HDAC9: variants seen among roughly 807,000 people sequenced by gnomAD.
HDAC9 encodes the protein MEF-2 interacting transcription repressor (MITR) protein.
In HDAC9, 41 loss-of-function variants were observed where a neutral mutation model predicts 139.4. The ratio of observed to expected loss-of-function variants is 0.29; its 90% confidence interval spans 0.23 to 0.38. The LOEUF (loss-of-function observed/expected upper bound fraction) is 0.38. HDAC9 is among the 10% of genes least tolerant of loss of function. The pLI is 1.00. For missense variants in HDAC9, 1,147 were observed against 1,297.0 expected, an observed-to-expected ratio of 0.88 and a Z score of 1.78; for synonymous variants, 517 against 476.2, an observed-to-expected ratio of 1.09 and a Z score of -1.12.
At chr7:18,451,628 T>C (rs776330123) in intron 1 of HDAC9, among the ~76,000 whole-genome samples, 1 of 151,828 alleles carries the variant, frequency 6.6e-6, no homozygotes. Context: ...TTTATGTGGA[T>C]ATAGAGGTAT....
intron 2 of HDAC9, among the ~76,000 whole-genome samples, chr7:18,172,396 A>G (rs1248442452): frequency 1.3e-5 from 2 of 151,994 alleles, no homozygotes. Flanking sequence ...TTTTCAAAAA[A>G]CCAGCTCCTG....
chr7:18,582,752 G>A (rs1040400280), intron 2 of HDAC9, among the ~76,000 whole-genome samples: 6 of 152,044 alleles, frequency 3.9e-5, no homozygotes, highest in African/African-American at 1.4e-4. Context: ...ATTGTCTCCT[G>A]GAGATATAAT....
intron 1 of HDAC9, among the ~76,000 whole-genome samples, chr7:18,335,280 C>T (rs1781501518): frequency 6.6e-6 from 1 of 151,452 alleles, no homozygotes; most frequent in Non-Finnish European, 1.5e-5. Flanking sequence ...AAAATTAAAA[C>T]AATTTAGCAA....
chr7:18,199,796 G>A (rs2128158664), intron 2 of HDAC9, among the ~76,000 whole-genome samples: 1 of 147,046 alleles, frequency 6.8e-6, no homozygotes, highest in South Asian at 2.2e-4. Flanking sequence ...GCTTAGTGTT[G>A]CACATCTGTA....
At chr7:18,640,640 A>G (rs1352959056) in intron 8 of HDAC9, among the ~76,000 whole-genome samples, 1 of 151,764 alleles carries the variant, frequency 6.6e-6, no homozygotes, top group South Asian at 2.1e-4. Context: ...TTTACATCAT[A>G]TATATTTTTT....
intron 24 of HDAC9, among the ~76,000 whole-genome samples, chr7:18,957,912 C>G (rs1783269909): frequency 6.6e-6 from 1 of 152,124 alleles, no homozygotes; most frequent in Non-Finnish European, 1.5e-5. Context: ...TCTTGAGAAG[C>G]AGGCTTGTAG....
At chr7:18,636,378 T>C (rs1029600747) in intron 8 of HDAC9, among the ~76,000 whole-genome samples, 1 of 152,036 alleles carries the variant, frequency 6.6e-6, no homozygotes, top group Non-Finnish European at 1.5e-5. Flanking sequence ...CTAGTCCTTG[T>C]GTAGATCTGT....
Position 18,648,450 on chromosome 7 carries a change from G to A in HDAC9, c.1250-16G>A, listed in dbSNP as rs376789666. The A allele has an allele frequency of 7.5e-5, 117 of 1,564,796 alleles. No homozygotes were observed. Among genetic ancestry groups the A allele is most frequent in the South Asian group, 2.4e-4 (22 of 90,034 alleles). On this transcript the variant is annotated splice_polypyrimidine_tract_variant and intron_variant, in intron 10 of 25. Coordinates refer to ENST00000686413, the MANE Select transcript of HDAC9 (RefSeq NM_178425.4). ...TGTGTGTGTATACACACATATACAT[G>A]TATTTTTTTTTTCAGGTGGAGTTCC...
chr7:18,311,985 T>C (rs1001854389), intron 1 of HDAC9, among the ~76,000 whole-genome samples: 2 of 152,140 alleles, frequency 1.3e-5, no homozygotes, highest in Non-Finnish European at 2.9e-5. Flanking sequence ...TTTTAAACAA[T>C]CTAAAGAACA....
intron 12 of HDAC9, among the ~76,000 whole-genome samples, chr7:18,707,814 T>C (rs1414224539): frequency 6.6e-6 from 1 of 151,796 alleles, no homozygotes; most frequent in Non-Finnish European, 1.5e-5. Context: ...ACAGAGAAAG[T>C]TTTGGCAGTA....
intron 1 of HDAC9, among the ~76,000 whole-genome samples, chr7:18,331,626 A>T (rs1554376433): frequency 1.5e-5 from 1 of 67,260 alleles, no homozygotes; most frequent in South Asian, 5.4e-4. Flanking sequence ...AAAGTATAAT[A>T]AAAAAATTTT....
intron 1 of HDAC9, among the ~76,000 whole-genome samples, chr7:18,490,053 G>C (rs1033224081): frequency 6.6e-6 from 1 of 151,922 alleles, no homozygotes; most frequent in Non-Finnish European, 1.5e-5. Flanking sequence ...GCCTTACCTA[G>C]TCTAATTATT....
intron 1 of HDAC9, among the ~76,000 whole-genome samples, chr7:18,436,670 T>G (rs948816665): frequency 3.3e-5 from 5 of 152,230 alleles, no homozygotes; most frequent in African/African-American, 1.2e-4. Context: ...ATTCAATAGA[T>G]GGTGTTTTCA....
chr7:18,343,110 G>T (rs558770943), intron 1 of HDAC9, among the ~76,000 whole-genome samples: 3 of 151,722 alleles, frequency 2.0e-5, no homozygotes, highest in Non-Finnish European at 4.4e-5. Context: ...AAAATCTCCT[G>T]TCAAGGAAGA....
chr7:18,551,580 C>A (rs374478135), intron 2 of HDAC9, among the ~76,000 whole-genome samples: 1 of 152,146 alleles, frequency 6.6e-6, no homozygotes. Context: ...CAAAAGCGAT[C>A]CAATTACTAA....
chr7:18,584,911 T>C (rs1192347095), intron 2 of HDAC9, among the ~76,000 whole-genome samples: 1 of 141,206 alleles, frequency 7.1e-6, no homozygotes, highest in Non-Finnish European at 1.5e-5. Flanking sequence ...TCTTAGGGCA[T>C]CTTTTCCTCA....
chr7:18,241,826 G>A lies in HDAC9; in HGVS notation c.25+79477G>A, dbSNP rs539767491. Among the ~76,000 whole-genome samples, 22 of 152,232 alleles carry A rather than the reference G, an allele frequency of 1.4e-4. No homozygotes were observed. The East Asian group carries it at 3.7e-3, about 25-fold the overall frequency. ...AAAAGAGAGTAGTGGCACTTGCTTCGTGAGCCAAAAAACTGCAATCACTTT... is the reference window on the plus strand; with the variant it reads ...AAAAGAGAGTAGTGGCACTTGCTTCATGAGCCAAAAAACTGCAATCACTTT... On this transcript the variant is annotated intron_variant, in intron 2 of 12. Coordinates refer to the HDAC9 transcript ENST00000417496.
intron 1 of HDAC9, among the ~76,000 whole-genome samples, chr7:18,107,036 A>G (rs1028920355): frequency 6.6e-6 from 1 of 152,202 alleles, no homozygotes; most frequent in Non-Finnish European, 1.5e-5. Flanking sequence ...GTTATGTTTC[A>G]TAGTTTTTAA....
At chr7:18,135,280 A>G (rs1281072495) in intron 1 of HDAC9, among the ~76,000 whole-genome samples, 1 of 149,268 alleles carries the variant, frequency 6.7e-6, no homozygotes, top group East Asian at 2.0e-4. Flanking sequence ...TTAAAAAGGT[A>G]GTATTTACCA....
Sources: gnomAD v4.1 joint callset for allele counts (sites outside exome capture counted in the v4.1 genomes callset) on GRCh38, gnomAD v4.1.1 for gene constraint, MANE v1.5 for transcripts, NCBI Gene and HGNC (gene_info 2026-07-23, HGNC 2026-07-21) for gene names.